The following PARD3 variants were observed in gnomAD, a reference collection of about 807,000 sequenced individuals.
The protein encoded by PARD3 is partitioning defective 3 homolog.
PARD3 carries 75 observed loss-of-function variants against 155.4 expected under a neutral mutation model. The observed-to-expected ratio is 0.48, with a 90% CI of 0.40 to 0.58. The LOEUF (loss-of-function observed/expected upper bound fraction) is 0.58, where lower values mean the gene tolerates loss of function less well. PARD3 is among the 20% of genes least tolerant of loss of function. PARD3 has a pLI of 0.00. For synonymous variants in PARD3, 576 were observed against 610.5 expected, an observed-to-expected ratio of 0.94 and a Z score of 0.83; for missense variants, 1,642 against 1,721.7, an observed-to-expected ratio of 0.95 and a Z score of 0.82.
intron 2 of PARD3, among the ~76,000 whole-genome samples, chr10:34,661,244 C>T (rs2496724): frequency 0.33 from 49,641 of 152,000 alleles, 8,281 homozygotes; most frequent in South Asian, 0.42. Flanking sequence ...AAACAAGGAA[C>T]AAAACGATGC....
intron 2 of PARD3, among the ~76,000 whole-genome samples, chr10:34,534,662 C>A (rs899539001): frequency 6.6e-6 from 1 of 152,136 alleles, no homozygotes; most frequent in African/African-American, 2.4e-5. Flanking sequence ...CAAGGTCCAG[C>A]GGCTGCAGAA....
intron 22 of PARD3, among the ~76,000 whole-genome samples, chr10:34,246,779 C>T (rs1022566508): frequency 2.0e-5 from 3 of 152,016 alleles, no homozygotes; most frequent in Admixed American, 6.6e-5. Context: ...GGTATTCAGT[C>T]AAGGAGGGCT....
At chr10:34,244,946 C>T (rs1953847189) in intron 22 of PARD3, among the ~76,000 whole-genome samples, 1 of 152,152 alleles carries the variant, frequency 6.6e-6, no homozygotes, top group Non-Finnish European at 1.5e-5. Context: ...AGTGACCCCA[C>T]AGCCCTATGT....
At chr10:34,345,824 A>T in intron 15 of PARD3, 1 of 985,234 alleles carries the variant, frequency 1.0e-6, no homozygotes, top group Non-Finnish European at 1.2e-6. Context: ...CTAATTTCAC[A>T]AATTGCATTT....
chr10:34,384,079 T>C, intron 8 of PARD3, 50 bp downstream of exon 8: 3 of 1,578,654 alleles, frequency 1.9e-6, no homozygotes, highest in Non-Finnish European at 2.6e-6. Flanking sequence ...GACTGCACTC[T>C]GTCATGCCTA....
intron 20 of PARD3, chr10:34,312,156 C>T (rs1229878450): frequency 6.4e-6 from 6 of 943,000 alleles, no homozygotes; most frequent in African/African-American, 1.7e-5. Flanking sequence ...ATTTAAACCC[C>T]AAGCTTGAAA....
chr10:34,376,851 T>C (rs11009757), intron 10 of PARD3, among the ~76,000 whole-genome samples: 36,031 of 152,144 alleles, frequency 0.24, 5,034 homozygotes, highest in South Asian at 0.44. Flanking sequence ...TGAATACTAG[T>C]TAATTAGGAA....
intron 5 of PARD3, among the ~76,000 whole-genome samples, chr10:34,422,618 G>A (rs2075375582): frequency 6.6e-6 from 1 of 151,674 alleles, no homozygotes; most frequent in Admixed American, 6.6e-5. Flanking sequence ...TTAAAAATGG[G>A]CAAATAATCT....
chr10:34,351,946 C>T (rs1417041416), intron 14 of PARD3, among the ~76,000 whole-genome samples: 1 of 152,198 alleles, frequency 6.6e-6, no homozygotes, highest in African/African-American at 2.4e-5. Flanking sequence ...GGCCCCTTTC[C>T]TATTCTAATA....
intron 1 of PARD3, among the ~76,000 whole-genome samples, chr10:34,772,792 TAAAAAAAAAAA>T (rs555582256): frequency 1.1e-5 from 1 of 90,314 alleles, no homozygotes; most frequent in South Asian, 3.6e-4. Context: ...AGACTCCATC[TAAAAAAAAAAA>T]AAAAAAAAAA....
chr10:34,611,927 A>G (rs1303454421), intron 2 of PARD3, among the ~76,000 whole-genome samples: 1 of 42,432 alleles, frequency 2.4e-5, no homozygotes, highest in Non-Finnish European at 4.4e-5. Flanking sequence ...CCCCTGCCTC[A>G]GCGCCCCCCC....
At chr10:34,411,919 C>CGTGTGTGT (rs61517279) in intron 5 of PARD3, among the ~76,000 whole-genome samples, 145 of 141,178 alleles carry the variant, frequency 1.0e-3, no homozygotes, top group Non-Finnish European at 1.3e-3. Context: ...ATAAGCTAGT[C>CGTGTGTGT]GTGTGTGTGT....
At chr10:34,557,803 A>G (rs985329574) in intron 2 of PARD3, among the ~76,000 whole-genome samples, 2 of 151,950 alleles carry the variant, frequency 1.3e-5, no homozygotes, top group African/African-American at 4.8e-5. Context: ...GTGTGGTGGT[A>G]TACATCTATA....
At chr10:34,320,477 TG>T (rs1402814358) in intron 19 of PARD3, among the ~76,000 whole-genome samples, 2 of 152,210 alleles carry the variant, frequency 1.3e-5, no homozygotes, top group Non-Finnish European at 2.9e-5. Flanking sequence ...AAATCATGAA[TG>T]GAACTATCAG....
intron 2 of PARD3, among the ~76,000 whole-genome samples, chr10:34,542,225 GTGTGTGTGT>G (rs1457160100): frequency 8.3e-3 from 34 of 4,098 alleles, no homozygotes; most frequent in Admixed American, 0.06. Flanking sequence ...GTGTGTGTGT[GTGTGTGTGT>G]GTGTGCACAC....
intron 4 of PARD3, among the ~76,000 whole-genome samples, chr10:34,469,236 G>T (rs2078197531): frequency 6.6e-6 from 1 of 152,226 alleles, no homozygotes; most frequent in Admixed American, 6.5e-5. Flanking sequence ...TCAGCATCCT[G>T]AGTAGTTAGA....
At chr10:34,647,592 T>C (rs1209917772) in intron 2 of PARD3, among the ~76,000 whole-genome samples, 1 of 152,234 alleles carries the variant, frequency 6.6e-6, no homozygotes, top group Non-Finnish European at 1.5e-5. Flanking sequence ...TTTTAAGCTT[T>C]GCTGGGCTTT....
chr10:34,200,986 ATGTG>A (rs1454988313), intron 22 of PARD3, among the ~76,000 whole-genome samples: 6 of 152,272 alleles, frequency 3.9e-5, no homozygotes, highest in Non-Finnish European at 8.8e-5. Flanking sequence ...TCTCCAATGT[ATGTG>A]TGAGTGCCTG....
intron 19 of PARD3, among the ~76,000 whole-genome samples, chr10:34,323,542 CACTCT>C (rs1048247781): frequency 1.4e-4 from 21 of 152,282 alleles, no homozygotes; most frequent in East Asian, 3.9e-4. Context: ...ACTCCTCAGA[CACTCT>C]ACTCTAAAAA....
Sources: gnomAD v4.1 joint callset for allele counts (sites outside exome capture counted in the v4.1 genomes callset) on GRCh38, gnomAD v4.1.1 for gene constraint, MANE v1.5 for transcripts, NCBI Gene and HGNC (gene_info 2026-07-23, HGNC 2026-07-21) for gene names.